Variants in SLC16A5 observed in about 807,000 individuals in gnomAD.
SLC16A5 encodes monocarboxylate transporter 6.
Under a neutral mutation model 33.2 loss-of-function variants are expected in SLC16A5, and 29 were observed. The observed-to-expected ratio is 0.87, with a 90% CI of 0.65 to 1.19. The LOEUF is 1.19. Ranked by LOEUF, SLC16A5 falls within the 50% of genes most tolerant of loss-of-function variation. The pLI is 0.00. For synonymous variants in SLC16A5, 248 were observed against 284.1 expected (o/e 0.87, Z 1.28); for missense variants, 606 against 678.2 (o/e 0.89, Z 1.18).
downstream of SLC16A5, among the ~76,000 whole-genome samples, chr17:75,106,584 CTTT>C (rs67212737): frequency 7.7e-3 from 885 of 115,674 alleles, 18 homozygotes; most frequent in African/African-American, 0.028. Context: ...AAGACCCTGT[CTTT>C]TTTTTAAAAA....
chr17:75,104,098 G>T lies in SLC16A5; in HGVS notation c.1282G>T (p.Ala428Ser). Reference sequence around the variant, plus strand: ...GCAGAAGAAGGAGCAAGGCAAGCAGGCTGTCGCGGCGGATGCCCTGGAGCG... The same window carrying T: ...GCAGAAGAAGGAGCAAGGCAAGCAGTCTGTCGCGGCGGATGCCCTGGAGCG... ...ALQKKEQGKQ[A>S]VAADALERDL... Residue 428 changes from alanine to serine, a missense_variant, in exon 6 of 7, where the codon GCT (alanine) becomes TCT (serine). Coordinates refer to ENST00000329783, the MANE Select transcript of SLC16A5 (RefSeq NM_004695.4). 2.5e-6 allele frequency: 4 copies of T among 1,614,228 alleles called. No homozygotes were observed. Among genetic ancestry groups the T allele is most frequent in the Non-Finnish European group, 8.5e-7 (1 of 1,180,036 alleles).
intron 2 of SLC16A5, 134 bp from the exon 3 acceptor site, chr17:75,093,455 G>A (rs1256293398): frequency 1.3e-6 from 2 of 1,535,944 alleles, no homozygotes; most frequent in African/African-American, 1.4e-5. Flanking sequence ...ACCTCCCAGG[G>A]GTGGTGCCCC....
At chr17:75,103,260 G>A (rs1490387514) in intron 5 of SLC16A5, among the ~76,000 whole-genome samples, 9 of 151,646 alleles carry the variant, frequency 5.9e-5, no homozygotes, top group African/African-American at 1.9e-4. Context: ...TCCTGACCTC[G>A]TGATCCACCT....
rs2073589617 is a variant in SLC16A5, at chr17:75,087,963, G to A, written c.-284G>A. 6.6e-6 allele frequency: 1 copy of A among 152,154 alleles called. No homozygotes were observed. The highest frequency in any genetic ancestry group is 2.4e-5 in the African/African-American group (1 of 41,444). 9.4% of individuals were successfully genotyped at this position (152,154 alleles called of 1,614,324 possible). A position where few individuals can be genotyped will look rare whatever the true frequency, so the allele number is the denominator to read the frequency against. ...CCGCGGCGCTTGGCCCAGTCCCGCG[G>A]TCCTCGTCGCGACCGGCCCGGGCCG... On this transcript the variant is annotated 5_prime_UTR_variant, in exon 1 of 7. Coordinates refer to ENST00000329783, the MANE Select transcript of SLC16A5 (RefSeq NM_004695.4).
intron 5 of SLC16A5, among the ~76,000 whole-genome samples, chr17:75,101,927 G>A (rs955339374): frequency 4.6e-5 from 7 of 152,196 alleles, no homozygotes; most frequent in Non-Finnish European, 1.0e-4. Flanking sequence ...GAGCCATTGC[G>A]CCTGGCCACT....
At chr17:75,094,060 G>A (rs2073682707) in intron 3 of SLC16A5, among the ~76,000 whole-genome samples, 1 of 152,234 alleles carries the variant, frequency 6.6e-6, no homozygotes, top group African/African-American at 2.4e-5. Context: ...AAGCCAGGCG[G>A]AGCCTTGCGT....
downstream of SLC16A5, chr17:75,109,938 G>T (rs981473359): frequency 8.0e-6 from 2 of 250,910 alleles, no homozygotes; most frequent in Admixed American, 5.1e-5. This position sits in a 1 kb window ranked among gnomAD's most constrained non-coding sequence, Gnocchi z 5.0. Context: ...CCCTTCGGGG[G>T]TAGGGACAGC....
chr17:75,109,572 C>G (rs1190616452), downstream of SLC16A5, among the ~76,000 whole-genome samples: 1 of 152,160 alleles, frequency 6.6e-6, no homozygotes, highest in Non-Finnish European at 1.5e-5. This position sits in a 1 kb window ranked among gnomAD's most constrained non-coding sequence, Gnocchi z 5.0. Flanking sequence ...TCCAGCCACC[C>G]GACATGGGTG....
At chr17:75,105,745 G>A (rs2145088110) in intron 6 of SLC16A5, 135 bp from the exon 7 acceptor site, 1 of 1,410,252 alleles carries the variant, frequency 7.1e-7, no homozygotes, top group Non-Finnish European at 9.3e-7. Context: ...AACAGAGCTG[G>A]AGTACGTTTC....
chr17:75,103,135 G>A (rs1272098635), intron 5 of SLC16A5, among the ~76,000 whole-genome samples: 3 of 150,312 alleles, frequency 2.0e-5, no homozygotes, highest in Admixed American at 6.6e-5. Flanking sequence ...GTGATCTGCC[G>A]GCCTCGGCCT....
chr17:75,100,228 A>G lies in SLC16A5; in HGVS notation c.565A>G (p.Ile189Val), dbSNP rs761846500. Residue 189 changes from isoleucine to valine, a missense_variant, in exon 5 of 7, where the codon ATA (isoleucine) becomes GTA (valine). Transcript: ENST00000329783. ...CCACTGCTGCATCTGCGGGGCCATCATAAGGCCTGTGGCCACCAGTGTGGC... is the reference window on the plus strand; with the variant it reads ...CCACTGCTGCATCTGCGGGGCCATCGTAAGGCCTGTGGCCACCAGTGTGGC... The part of the protein sequence containing the change: ...FLHCCICGAI[I>V]RPVATSVAPE... 1 of 1,614,224 alleles carries G rather than the reference A, an allele frequency of 6.2e-7. No individual in the cohort carries two copies. Among genetic ancestry groups the G allele is most frequent in the Admixed American group, 1.7e-5 (1 of 60,030 alleles).
chr17:75,104,277 G>C (rs982022081), intron 6 of SLC16A5, 97 bp downstream of exon 6: 50 of 1,532,570 alleles, frequency 3.3e-5, no homozygotes, highest in Non-Finnish European at 4.2e-5. Context: ...CAGCCCAGGA[G>C]GGGGACCTCT....
At position 75,100,614 on chromosome 17, in the gene SLC16A5, CACTA is replaced by C. The variant is rs1271368425; in HGVS notation, c.954_957del (p.Asn319TrpfsTer23). ...GCCTGGCACTCCTGCTCAATGGGCT[CACTA>C]ACCTGGTGTGTGCGGCATCAGGTGA... On this transcript the variant is annotated frameshift_variant, in exon 5 of 7. Coordinates refer to ENST00000329783, the MANE Select transcript of SLC16A5 (RefSeq NM_004695.4). LOFTEE classifies it high-confidence loss of function. 8 of 1,614,110 alleles carry C rather than the reference CACTA, an allele frequency of 5.0e-6. No homozygotes were observed. The highest frequency in any genetic ancestry group is 5.9e-6 in the Non-Finnish European group (7 of 1,180,048).
chr17:75,101,455 G>A (rs1476355910), intron 5 of SLC16A5, among the ~76,000 whole-genome samples: 3 of 149,612 alleles, frequency 2.0e-5, no homozygotes, highest in African/African-American at 7.4e-5. Context: ...CCAGCTACTT[G>A]GGAGGCTGAC....
At chr17:75,107,812 C>T (rs2073874079), downstream of SLC16A5, among the ~76,000 whole-genome samples, 3 of 152,240 alleles carry the variant, frequency 2.0e-5, no homozygotes, top group East Asian at 1.9e-4. Flanking sequence ...TGGCGGGTGC[C>T]TGTAGTCCCA....
chr17:75,092,475 GC>G (rs1292900283), intron 2 of SLC16A5, among the ~76,000 whole-genome samples: 3 of 151,766 alleles, frequency 2.0e-5, no homozygotes, highest in Non-Finnish European at 4.4e-5. Flanking sequence ...TCCTGCCTCA[GC>G]CTCCCGAGTA....
chr17:75,104,358 G>C, intron 6 of SLC16A5, 178 bp downstream of exon 6: 2 of 1,433,022 alleles, frequency 1.4e-6, no homozygotes, highest in Non-Finnish European at 1.8e-6. Context: ...TGCAAGCTGG[G>C]ACTCTGCCAG....
At chr17:75,097,827 T>C (rs554511368) in intron 3 of SLC16A5, among the ~76,000 whole-genome samples, 1 of 152,214 alleles carries the variant, frequency 6.6e-6, no homozygotes, top group Admixed American at 6.5e-5. Flanking sequence ...AATCCTCACT[T>C]TGTAGGGGAA....
At chr17:75,106,662 A>C (rs1465586509), downstream of SLC16A5, among the ~76,000 whole-genome samples, 1 of 151,832 alleles carries the variant, frequency 6.6e-6, no homozygotes, top group East Asian at 1.9e-4. Flanking sequence ...TGAGAGGCCA[A>C]GATGGGTGGG....
Sources: gnomAD v4.1 joint callset for allele counts (sites outside exome capture counted in the v4.1 genomes callset) on GRCh38, gnomAD v4.1.1 for gene constraint, Gnocchi (gnomAD v3.1) non-coding constraint, MANE v1.5 for transcripts, NCBI Gene and HGNC (gene_info 2026-07-23, HGNC 2026-07-21) for gene names.